Variants in KCNN2 observed in about 807,000 individuals in gnomAD.
KCNN2 encodes potassium calcium-activated channel subfamily N member 2.
A neutral mutation model predicts 55.5 loss-of-function variants in KCNN2; 24 were observed. The ratio of observed to expected loss-of-function variants is 0.43; its 90% CI spans 0.31 to 0.61. The LOEUF (loss-of-function observed/expected upper bound fraction) is 0.61, where lower values mean the gene tolerates loss of function less well. Ranked by LOEUF, KCNN2 falls within the 20% of genes least tolerant of loss-of-function variation. KCNN2 has a pLI of 0.08. For synonymous variants in KCNN2, 431 were observed against 336.1 expected (o/e 1.28, Z -3.09); for missense variants, 754 against 853.6 (o/e 0.88, Z 1.45).
chr5:114,235,968 A>C (rs878883501), intron 2 of KCNN2, among the ~76,000 whole-genome samples: 8 of 152,204 alleles, frequency 5.3e-5, no homozygotes, highest in East Asian at 1.9e-4. Context: ...TATTGAGGCT[A>C]TGCAGCGATC....
At chr5:114,129,520 C>T (rs1182815020) in intron 1 of KCNN2, among the ~76,000 whole-genome samples, 2 of 152,192 alleles carry the variant, frequency 1.3e-5, no homozygotes, top group East Asian at 1.9e-4. Context: ...GTCACAAAAC[C>T]TTCTTCCATC....
rs1753147137 is a variant in KCNN2 at position 114,177,124 on chromosome 5, A to C, written c.-270-44356A>C. The stretch of plus-strand genomic sequence containing the variant: ...TATCAAGTGTTGGATAATAACAGCA[A>C]CATTGCTAATATGCTGGTTTTTTTT... On this transcript the variant is annotated intron_variant, in intron 1 of 10. Transcript: ENST00000512097. 2.0e-5 allele frequency among the ~76,000 whole-genome samples: 3 copies of C among 148,538 alleles called. No homozygotes were observed. In the Admixed American group the frequency reaches 2.1e-4, roughly 10 times the overall value.
At chr5:114,300,646 G>T (rs1756135545) in intron 2 of KCNN2, among the ~76,000 whole-genome samples, 2 of 152,238 alleles carry the variant, frequency 1.3e-5, no homozygotes, top group African/African-American at 4.8e-5. Flanking sequence ...TCAGTTATTT[G>T]CTTTTGTTGT....
intron 1 of KCNN2, among the ~76,000 whole-genome samples, chr5:114,098,136 CCTT>C (rs1751300718): frequency 6.6e-6 from 1 of 152,056 alleles, no homozygotes; most frequent in African/African-American, 2.4e-5. Context: ...CATCACATGG[CCTT>C]CTTCTCTGTC....
chr5:114,279,228 A>C (rs1167019299), intron 2 of KCNN2, among the ~76,000 whole-genome samples: 1 of 152,056 alleles, frequency 6.6e-6, no homozygotes, highest in African/African-American at 2.4e-5. Flanking sequence ...AATTAGAAAT[A>C]CCTTCAAAAT....
At chr5:114,162,989 G>A (rs967513596) in intron 1 of KCNN2, among the ~76,000 whole-genome samples, 6 of 152,194 alleles carry the variant, frequency 3.9e-5, no homozygotes, top group Admixed American at 6.5e-5. Flanking sequence ...GCTCATGCAC[G>A]GTGCACTGCA....
intron 3 of KCNN2, among the ~76,000 whole-genome samples, chr5:114,455,079 T>C (rs1175224905): frequency 6.6e-6 from 1 of 152,216 alleles, no homozygotes. Context: ...TCTTTTTCAA[T>C]GTGTTACTTC....
chr5:114,332,551 G>T (rs540453885), intron 2 of KCNN2, among the ~76,000 whole-genome samples: 1 of 152,260 alleles, frequency 6.6e-6, no homozygotes, highest in East Asian at 1.9e-4. Flanking sequence ...GTTCAGTTGG[G>T]GTTGATATTT....
At chr5:114,478,769 A>T (rs574154615) in intron 5 of KCNN2, among the ~76,000 whole-genome samples, 1 of 152,152 alleles carries the variant, frequency 6.6e-6, no homozygotes, top group African/African-American at 2.4e-5. Context: ...AGAATTTCCA[A>T]CCTAGAATTT....
In KCNN2 at chr5:114,362,913, G is replaced by C. The variant is rs370230746; in HGVS notation, c.774G>C (p.Ala258=). Reference sequence around the variant, plus strand: ...CGTCTGTCGGAGGAGGTGGCGGCGCGTCCTCCCCGTCTGCAGCCGCTGCCG... The same window carrying C: ...CGTCTGTCGGAGGAGGTGGCGGCGCCTCCTCCCCGTCTGCAGCCGCTGCCG... ...PPASVGGGGG[A]SSPSAAAAAA... is the part of the protein sequence containing the mutation. Residue 258 remains alanine, a synonymous_variant, in exon 1 of 8, where the codon GCG becomes GCC. Transcript: ENST00000673685. 1.3e-6 allele frequency: 2 copies of C among 1,584,470 alleles called. No individual in the cohort carries two copies. The highest frequency in any genetic ancestry group is 2.7e-5 in the African/African-American group (2 of 73,502).
intron 3 of KCNN2, among the ~76,000 whole-genome samples, chr5:114,416,882 A>G (rs1759323167): frequency 6.6e-6 from 1 of 152,336 alleles, no homozygotes; most frequent in East Asian, 1.9e-4. Flanking sequence ...TTCAGAACCA[A>G]TTTATTAGCA....
intron 1 of KCNN2, among the ~76,000 whole-genome samples, chr5:114,066,713 G>C (rs912619856): frequency 6.6e-6 from 1 of 152,140 alleles, no homozygotes; most frequent in Non-Finnish European, 1.5e-5. Context: ...CCAAGTAGCT[G>C]GGACTACAGG....
At chr5:114,068,570 T>C (rs1247409473) in intron 1 of KCNN2, among the ~76,000 whole-genome samples, 3 of 152,126 alleles carry the variant, frequency 2.0e-5, no homozygotes, top group Non-Finnish European at 2.9e-5. Flanking sequence ...CATTTCAGAG[T>C]CCTCACACAT....
intron 1 of KCNN2, among the ~76,000 whole-genome samples, chr5:114,189,568 C>T (rs1753408342): frequency 6.6e-6 from 1 of 152,136 alleles, no homozygotes; most frequent in South Asian, 2.1e-4. Context: ...CAAATTAACA[C>T]ATAAATACAT....
At chr5:114,136,717 T>A (rs758357071) in intron 1 of KCNN2, among the ~76,000 whole-genome samples, 2 of 152,202 alleles carry the variant, frequency 1.3e-5, no homozygotes, top group African/African-American at 2.4e-5. Flanking sequence ...AAGACTGTAG[T>A]TTCTTTCTAG....
At chr5:114,478,804 G>C (rs141244725) in intron 5 of KCNN2, among the ~76,000 whole-genome samples, 1 of 152,032 alleles carries the variant, frequency 6.6e-6, no homozygotes, top group African/African-American at 2.4e-5. Flanking sequence ...ACTAAGCTTC[G>C]TAAGTGAAGG....
At chr5:114,164,441 AT>A (rs911929498) in intron 1 of KCNN2, among the ~76,000 whole-genome samples, 12 of 152,268 alleles carry the variant, frequency 7.9e-5, no homozygotes, top group East Asian at 1.9e-4. Flanking sequence ...AATTTACTAT[AT>A]TTTTTTCATG....
At chr5:114,204,630 C>A (rs1753733962) in intron 1 of KCNN2, among the ~76,000 whole-genome samples, 1 of 152,060 alleles carries the variant, frequency 6.6e-6, no homozygotes, top group South Asian at 2.1e-4. Context: ...GAAAGTTCTT[C>A]ATGTTTCACC....
At chr5:114,301,052 A>T (rs889209165) in intron 2 of KCNN2, among the ~76,000 whole-genome samples, 29 of 150,042 alleles carry the variant, frequency 1.9e-4, no homozygotes, top group Non-Finnish European at 2.5e-4. Context: ...TTTATTAAAT[A>T]TTTTTTTTTT....
Sources: gnomAD v4.1 joint callset for allele counts (sites outside exome capture counted in the v4.1 genomes callset) on GRCh38, gnomAD v4.1.1 for gene constraint, MANE v1.5 for transcripts, NCBI Gene and HGNC (gene_info 2026-07-23, HGNC 2026-07-21) for gene names.